Variants in TGFA observed in about 807,000 individuals in gnomAD.
TGFA encodes transforming growth factor alpha.
A neutral mutation model predicts 21.7 loss-of-function variants in TGFA; 12 were observed. The observed-to-expected ratio is 0.55, with a 90% CI of 0.35 to 0.90. The LOEUF is 0.90. Among genes scored for constraint, TGFA ranks in the 40% least tolerant of loss-of-function variants. The pLI, the probability that TGFA is intolerant of heterozygous loss-of-function variation, is 0.01. For synonymous variants in TGFA, 79 were observed against 88.1 expected (o/e 0.90, Z 0.58); for missense variants, 178 against 210.8 (o/e 0.84, Z 0.96).
intron 4 of TGFA, among the ~76,000 whole-genome samples, chr2:70,454,832 C>A (rs2103663746): frequency 6.6e-6 from 1 of 152,322 alleles, no homozygotes; most frequent in African/African-American, 2.4e-5. Flanking sequence ...GTCTAGGCAC[C>A]TAGATCATTC....
intron 2 of TGFA, among the ~76,000 whole-genome samples, chr2:70,504,038 A>G (rs781937020): frequency 6.6e-6 from 1 of 152,200 alleles, no homozygotes; most frequent in Admixed American, 6.5e-5. Context: ...GGTTTGTGCA[A>G]AAACATTTAC....
At chr2:70,492,427 C>T (rs765614908) in intron 2 of TGFA, among the ~76,000 whole-genome samples, 1 of 152,142 alleles carries the variant, frequency 6.6e-6, no homozygotes, top group South Asian at 2.1e-4. Context: ...CCAGTGTGGA[C>T]AAGATGAGTG....
intron 1 of TGFA, among the ~76,000 whole-genome samples, chr2:70,550,680 C>T (rs1351015838): frequency 4.6e-5 from 7 of 151,908 alleles, no homozygotes; most frequent in African/African-American, 1.2e-4. Context: ...AAAAATTAGC[C>T]GGGCGTGGTG....
chr2:70,486,656 A>G (rs1671279513), intron 2 of TGFA, among the ~76,000 whole-genome samples: 1 of 151,156 alleles, frequency 6.6e-6, no homozygotes, highest in Non-Finnish European at 1.5e-5. Context: ...AGAGATGAGG[A>G]TTTGCATGTT....
intron 2 of TGFA, among the ~76,000 whole-genome samples, chr2:70,514,443 A>C (rs1208417787): frequency 1.4e-5 from 2 of 147,910 alleles, no homozygotes; most frequent in African/African-American, 5.0e-5. Context: ...TTTTTTTACT[A>C]TAAGTATTAA....
chr2:70,470,971 T>C (rs1481004751), intron 2 of TGFA, among the ~76,000 whole-genome samples: 1 of 152,112 alleles, frequency 6.6e-6, no homozygotes, highest in African/African-American at 2.4e-5. Flanking sequence ...AATAAATCAA[T>C]ATATAATAAG....
intron 2 of TGFA, among the ~76,000 whole-genome samples, chr2:70,508,442 T>C (rs1344477984): frequency 6.6e-6 from 1 of 151,966 alleles, no homozygotes; most frequent in Non-Finnish European, 1.5e-5. Context: ...CAAAACTCCA[T>C]CTCAAAACAA....
chr2:70,488,545 C>A (rs1046250119), intron 2 of TGFA, among the ~76,000 whole-genome samples: 8 of 152,150 alleles, frequency 5.3e-5, no homozygotes. Context: ...GTACCAGCAC[C>A]AAAGCATTTA....
chr2:70,551,985 TACCGAATAACC>T (rs782305237), intron 1 of TGFA, among the ~76,000 whole-genome samples: 2 of 152,226 alleles, frequency 1.3e-5, no homozygotes, highest in Admixed American at 6.5e-5. Context: ...CTCTAATTTT[TACCGAATAACC>T]ACCTTGAGAT....
At chr2:70,491,534 T>C (rs1390122057) in intron 2 of TGFA, among the ~76,000 whole-genome samples, 1 of 152,154 alleles carries the variant, frequency 6.6e-6, no homozygotes, top group Non-Finnish European at 1.5e-5. Context: ...TGAAACTTGG[T>C]TTTTAAAAAA....
chr2:70,540,304 C>G (rs1320390491), intron 1 of TGFA, among the ~76,000 whole-genome samples: 1 of 152,154 alleles, frequency 6.6e-6, no homozygotes, highest in Non-Finnish European at 1.5e-5. Context: ...TAACACATTC[C>G]AACTCATAAG....
At chr2:70,472,557 A>C (rs1321110751) in intron 2 of TGFA, among the ~76,000 whole-genome samples, 1 of 152,170 alleles carries the variant, frequency 6.6e-6, no homozygotes, top group Admixed American at 6.5e-5. Flanking sequence ...GGGGCAGGGA[A>C]ATCCCCCATC....
intron 2 of TGFA, among the ~76,000 whole-genome samples, chr2:70,495,533 C>A (rs1671549525): frequency 6.6e-6 from 1 of 152,118 alleles, no homozygotes. Flanking sequence ...CCCAGGGGCA[C>A]AGGTCTCTCT....
chr2:70,538,469 G>T (rs1673038596), intron 1 of TGFA, among the ~76,000 whole-genome samples: 1 of 152,152 alleles, frequency 6.6e-6, no homozygotes, highest in Admixed American at 6.5e-5. Context: ...AAGAACATTT[G>T]TAATTCATGG....
chr2:70,550,869 TC>T (rs1198560836), intron 1 of TGFA, among the ~76,000 whole-genome samples: 1 of 152,066 alleles, frequency 6.6e-6, no homozygotes, highest in Non-Finnish European at 1.5e-5. Flanking sequence ...AAAAAAACCC[TC>T]CAGATTTGCT....
In TGFA at chr2:70,528,800, C is replaced by A. The variant is rs11126275; in HGVS notation, c.41-13888G>T. On this transcript the variant is annotated intron_variant, in intron 1 of 5. Coordinates refer to ENST00000295400, the MANE Select transcript of TGFA (RefSeq NM_003236.4). ...GAGTTACTACAAGGGTAGTTTAATT[C>A]AACTTCTTGACCCTCCAGCTATATA... Among the ~76,000 whole-genome samples, 1,043 of 152,258 alleles carry A rather than the reference C, an allele frequency of 6.9e-3. 14 individuals are homozygous for A. The highest frequency in any genetic ancestry group is 0.024 in the African/African-American group (1,011 of 41,546).
At chr2:70,498,648 C>T (rs1553498661) in intron 2 of TGFA, among the ~76,000 whole-genome samples, 1 of 151,826 alleles carries the variant, frequency 6.6e-6, no homozygotes, top group African/African-American at 2.4e-5. Flanking sequence ...GCTGCCCCTC[C>T]TCTCCTGGTT....
chr2:70,455,825 C>T (rs1232381661), intron 4 of TGFA, among the ~76,000 whole-genome samples: 2 of 152,148 alleles, frequency 1.3e-5, no homozygotes, highest in African/African-American at 4.8e-5. Flanking sequence ...CTGGAAGATA[C>T]AACACAGCAA....
chr2:70,471,110 C>CCG (rs1559106004), intron 2 of TGFA, among the ~76,000 whole-genome samples: 6 of 133,202 alleles, frequency 4.5e-5, no homozygotes, highest in Admixed American at 3.2e-4. Context: ...CCTCCCCGCA[C>CCG]CCCCCCCACC....
Sources: allele counts gnomAD v4.1 joint callset (sites outside exome capture counted in the v4.1 genomes callset), GRCh38; gene constraint gnomAD v4.1.1; transcripts MANE v1.5; gene names NCBI Gene and HGNC (gene_info 2026-07-23, HGNC 2026-07-21).